Variants in PARD3 observed in about 807,000 individuals in gnomAD.
The protein encoded by PARD3 is par-3 family cell polarity regulator.
A neutral mutation model predicts 155.4 loss-of-function variants in PARD3; 75 were observed. The ratio of observed to expected loss-of-function variants is 0.48; its 90% CI spans 0.40 to 0.58. The LOEUF is 0.58. Among genes scored for constraint, PARD3 ranks in the 20% least tolerant of loss-of-function variants. The pLI, the probability that PARD3 is intolerant of heterozygous loss-of-function variation, is 0.00. For synonymous variants in PARD3, 576 were observed against 610.5 expected (o/e 0.94, Z 0.83); for missense variants, 1,642 against 1,721.7 (o/e 0.95, Z 0.82).
intron 22 of PARD3, among the ~76,000 whole-genome samples, chr10:34,212,488 T>C (rs1181017961): frequency 6.6e-6 from 1 of 152,218 alleles, no homozygotes; most frequent in Non-Finnish European, 1.5e-5. Flanking sequence ...GTCTGAATAC[T>C]CTGCTAGGCT....
At chr10:34,429,389 CTT>C (rs75681687) in intron 5 of PARD3, among the ~76,000 whole-genome samples, 4 of 139,120 alleles carry the variant, frequency 2.9e-5, no homozygotes, top group Admixed American at 7.3e-5. Flanking sequence ...AAATAAAAAT[CTT>C]TTTTTTTTTT....
At chr10:34,217,541 G>A (rs977898350) in intron 22 of PARD3, among the ~76,000 whole-genome samples, 2 of 152,106 alleles carry the variant, frequency 1.3e-5, no homozygotes, top group African/African-American at 2.4e-5. Context: ...GAAATGGGGG[G>A]CCGGTGTGTC....
intron 7 of PARD3, among the ~76,000 whole-genome samples, chr10:34,396,560 T>C (rs1440982004): frequency 6.6e-6 from 1 of 152,206 alleles, no homozygotes; most frequent in Admixed American, 6.5e-5. Flanking sequence ...ATTCGTTAGA[T>C]GCTCTGACTT....
chr10:34,538,107 T>C (rs1413030666), intron 2 of PARD3, among the ~76,000 whole-genome samples: 1 of 152,230 alleles, frequency 6.6e-6, no homozygotes, highest in Non-Finnish European at 1.5e-5. Context: ...GATCCGCCAC[T>C]GCACTCCAGC....
intron 4 of PARD3, among the ~76,000 whole-genome samples, chr10:34,458,492 T>C (rs556142467): frequency 6.6e-6 from 1 of 152,132 alleles, no homozygotes; most frequent in Non-Finnish European, 1.5e-5. Flanking sequence ...TGTGAGCCAC[T>C]GTGCCCAGCC....
At chr10:34,194,612 CTTTTTTTTT>C (rs34506915) in intron 22 of PARD3, among the ~76,000 whole-genome samples, 1 of 120,988 alleles carries the variant, frequency 8.3e-6, no homozygotes, top group African/African-American at 3.2e-5. Context: ...TATGCCAAAG[CTTTTTTTTT>C]TTTTTTTTTT....
At chr10:34,621,499 T>C (rs1346991897) in intron 2 of PARD3, among the ~76,000 whole-genome samples, 1 of 152,074 alleles carries the variant, frequency 6.6e-6, no homozygotes, top group Non-Finnish European at 1.5e-5. Context: ...CCCGGCCTAG[T>C]TTCCAACTTT....
chr10:34,472,882 A>T (rs921705929), intron 3 of PARD3, among the ~76,000 whole-genome samples: 2 of 152,228 alleles, frequency 1.3e-5, no homozygotes, highest in African/African-American at 4.8e-5. Flanking sequence ...CATGATTTTG[A>T]TTAAATAATT....
At chr10:34,652,189 G>A (rs186227345) in intron 2 of PARD3, among the ~76,000 whole-genome samples, 36 of 152,260 alleles carry the variant, frequency 2.4e-4, no homozygotes, top group Non-Finnish European at 2.5e-4. Context: ...AGAAGCATAC[G>A]CCACTGCACC....
At chr10:34,416,391 AG>A (rs1037621665) in intron 5 of PARD3, among the ~76,000 whole-genome samples, 1 of 152,260 alleles carries the variant, frequency 6.6e-6, no homozygotes, top group Non-Finnish European at 1.5e-5. Flanking sequence ...TAAGGAGGGC[AG>A]GGGGGACTTT....
At chr10:34,370,165 T>C (rs1840433784) in intron 12 of PARD3, among the ~76,000 whole-genome samples, 3 of 152,190 alleles carry the variant, frequency 2.0e-5, no homozygotes, top group Non-Finnish European at 2.9e-5. Flanking sequence ...AACTAAACTA[T>C]ACTTTTAACT....
intron 22 of PARD3, among the ~76,000 whole-genome samples, chr10:34,185,693 C>T (rs1395383527): frequency 5.9e-5 from 9 of 151,900 alleles, no homozygotes; most frequent in African/African-American, 2.2e-4. Context: ...CCAGGGCAGG[C>T]AGTGCCCACA....
intron 1 of PARD3, among the ~76,000 whole-genome samples, chr10:34,731,877 T>C (rs1174900628): frequency 4.6e-5 from 7 of 152,134 alleles, no homozygotes; most frequent in African/African-American, 1.7e-4. Flanking sequence ...CTAAATTCAG[T>C]GAGACAAGTA....
At chr10:34,337,929 T>C (rs753220367) in intron 16 of PARD3, among the ~76,000 whole-genome samples, 15 of 152,270 alleles carry the variant, frequency 9.9e-5, no homozygotes, top group Non-Finnish European at 1.8e-4. Flanking sequence ...TGGCATGCCA[T>C]TTCATAAGGC....
intron 22 of PARD3, among the ~76,000 whole-genome samples, chr10:34,214,307 C>A (rs1450255761): frequency 6.6e-6 from 1 of 152,032 alleles, no homozygotes; most frequent in African/African-American, 2.4e-5. Context: ...TTCAGAAAGT[C>A]CTAATAATGT....
At chr10:34,586,187 G>C (rs1187695149) in intron 2 of PARD3, among the ~76,000 whole-genome samples, 4 of 151,230 alleles carry the variant, frequency 2.6e-5, no homozygotes, top group African/African-American at 9.7e-5. Context: ...GGTGGATAAG[G>C]TAAAAAGAAC....
intron 23 of PARD3, among the ~76,000 whole-genome samples, chr10:34,125,877 A>T (rs553340403): frequency 5.9e-5 from 9 of 152,338 alleles, no homozygotes; most frequent in Non-Finnish European, 1.3e-4. Context: ...CCCATCTATC[A>T]GTCGTCTCAG....
chr10:34,200,745 C>T (rs982379340), intron 22 of PARD3, among the ~76,000 whole-genome samples: 1 of 152,216 alleles, frequency 6.6e-6, no homozygotes, highest in Non-Finnish European at 1.5e-5. Flanking sequence ...AGGCTACTGG[C>T]TCTCTCCACT....
chr10:34,565,098 T>A (rs2085813402), intron 2 of PARD3, among the ~76,000 whole-genome samples: 1 of 151,018 alleles, frequency 6.6e-6, no homozygotes, highest in Non-Finnish European at 1.5e-5. Context: ...AACATTAAAA[T>A]AACTTTAGAC....
Sources: gnomAD v4.1 joint callset for allele counts (sites outside exome capture counted in the v4.1 genomes callset) on GRCh38, gnomAD v4.1.1 for gene constraint, MANE v1.5 for transcripts, NCBI Gene and HGNC (gene_info 2026-07-23, HGNC 2026-07-21) for gene names.